PCMTD1: variants seen among roughly 807,000 people sequenced by gnomAD.
PCMTD1 encodes protein-L-isoaspartate (D-aspartate) O-methyltransferase domain containing 1.
A neutral mutation model predicts 37.6 loss-of-function variants in PCMTD1; 12 were observed. That is an observed-to-expected ratio of 0.32 (90% confidence interval 0.20 to 0.52). The LOEUF is 0.52. Ranked by LOEUF, PCMTD1 falls within the 20% of genes least tolerant of loss-of-function variation. PCMTD1 has a pLI of 0.97. For missense variants in PCMTD1, 235 were observed against 421.3 expected, an observed-to-expected ratio of 0.56 and a Z score of 3.87; for synonymous variants, 117 against 135.8, an observed-to-expected ratio of 0.86 and a Z score of 0.96.
intron 4 of PCMTD1, 36 bp from the exon 5 acceptor site, chr8:51,831,603 T>G: frequency 6.3e-7 from 1 of 1,588,600 alleles, no homozygotes; most frequent in Non-Finnish European, 8.6e-7. Flanking sequence ...AGTGAACAAC[T>G]TAATCCCAAC....
At position 51,818,478 on chromosome 8, in the gene PCMTD1, CAT is replaced by C. The variant is rs1347835083; in HGVS notation, c.*1871_*1872del. On this transcript the variant is annotated 3_prime_UTR_variant, in exon 6 of 6. Coordinates refer to ENST00000522514, the MANE Select transcript of PCMTD1 (RefSeq NM_052937.4). The stretch of plus-strand genomic sequence containing the variant: ...TTTCTCCAGGTTTTCCAGATAAAAA[CAT>C]GTGGTCACCAGGAATTCAAGGTAAC... 2 of 148,090 alleles carry C rather than the reference CAT, an allele frequency of 1.4e-5. No homozygotes were observed. The highest frequency in any genetic ancestry group is 4.3e-4 in the South Asian group (2 of 4,666). The allele number at this position is 148,090 out of a possible 1,614,324, so 9.2% of individuals were successfully genotyped here. A position where few individuals can be genotyped will look rare whatever the true frequency, so the allele number is the denominator to read the frequency against.
intron 2 of PCMTD1, among the ~76,000 whole-genome samples, chr8:51,855,685 G>T (rs1003246742): frequency 6.6e-6 from 1 of 151,648 alleles, no homozygotes; most frequent in Non-Finnish European, 1.5e-5. Flanking sequence ...TTGTTTTTGA[G>T]ACAGAGTCTC....
intron 2 of PCMTD1, among the ~76,000 whole-genome samples, chr8:51,851,066 A>T (rs187377704): frequency 4.9e-4 from 75 of 152,366 alleles, no homozygotes; most frequent in Admixed American, 3.9e-3. Context: ...AACACTTATT[A>T]AGATATATTT....
chr8:51,891,073 G>A (rs1482256203), intron 1 of PCMTD1, among the ~76,000 whole-genome samples: 2 of 152,088 alleles, frequency 1.3e-5, no homozygotes, highest in African/African-American at 2.4e-5. Flanking sequence ...TTCTACTGCT[G>A]TTATACAGGG....
chr8:51,833,788 T>C (rs1423291173), intron 3 of PCMTD1, 99 bp from the exon 4 acceptor site: 1 of 781,590 alleles, frequency 1.3e-6, no homozygotes, highest in East Asian at 2.8e-5. Context: ...GTTACCCAAA[T>C]TAATTATAAG....
Position 51,861,069 on chromosome 8 carries a change from C to G in PCMTD1, c.83G>C (p.Arg28Thr). 1.2e-6 allele frequency: 2 copies of G among 1,614,136 alleles called. No homozygotes were observed. The highest frequency in any genetic ancestry group is 2.2e-5 in the East Asian group (1 of 44,874). The change falls in exon 2 of 6, where the codon AGA becomes ACA. Residue 28 changes from arginine (R) to threonine (T), a missense_variant. By Grantham distance (71) the Arg-to-Thr change is moderately conservative (BLOSUM62 -1). Transcript: ENST00000522514. ...LKEAQYIRTE[R>T]VEQAFRAIDR... Reference sequence around the variant, plus strand: ...AATCGCTCTGAAGGCTTGCTCCACTCTTTCAGTACGAATATACTGAGCTTC... The same window carrying G: ...AATCGCTCTGAAGGCTTGCTCCACTGTTTCAGTACGAATATACTGAGCTTC...
chr8:51,831,351 T>G, intron 5 of PCMTD1, 93 bp downstream of exon 5: 1 of 1,285,112 alleles, frequency 7.8e-7, no homozygotes, highest in South Asian at 1.5e-5. Flanking sequence ...CATAAGTATT[T>G]AATTCTTCAT....
rs1187377867 is a variant in PCMTD1 at position 51,818,095 on chromosome 8, A to C, written c.*2256T>G. ...TCAAGTAAACATAAATTCATTAAAA[A>C]ATAAACACAAACCCAAAATATTCTT... On this transcript the variant is annotated 3_prime_UTR_variant, in exon 6 of 6. Coordinates refer to ENST00000522514, the MANE Select transcript of PCMTD1 (RefSeq NM_052937.4). 2.8e-6 allele frequency: 1 copy of C among 363,300 alleles called. No individual in the cohort carries two copies. Among genetic ancestry groups the C allele is most frequent in the African/African-American group, 2.1e-5 (1 of 46,688 alleles). The allele number at this position is 363,300 out of a possible 1,614,324, so 22.5% of individuals were successfully genotyped here. A position where few individuals can be genotyped will look rare whatever the true frequency, so the allele number is the denominator to read the frequency against.
At chr8:51,825,123 C>T (rs1349274509) in intron 5 of PCMTD1, among the ~76,000 whole-genome samples, 1 of 152,178 alleles carries the variant, frequency 6.6e-6, no homozygotes, top group African/African-American at 2.4e-5. Context: ...CCATTCAGGA[C>T]ACAGGCATGG....
chr8:51,897,198 A>G (rs2039015553), intron 1 of PCMTD1, among the ~76,000 whole-genome samples: 1 of 152,230 alleles, frequency 6.6e-6, no homozygotes. Flanking sequence ...CATTTTTAAT[A>G]AATACAAGCT....
intron 1 of PCMTD1, among the ~76,000 whole-genome samples, chr8:51,870,713 G>A (rs2129289481): frequency 6.6e-6 from 1 of 152,260 alleles, no homozygotes; most frequent in South Asian, 2.1e-4. Flanking sequence ...GAAACCCTCT[G>A]ACACAGAACA....
At chr8:51,866,324 C>CA (rs2038554771) in intron 1 of PCMTD1, among the ~76,000 whole-genome samples, 1 of 151,618 alleles carries the variant, frequency 6.6e-6, no homozygotes, top group South Asian at 2.1e-4. Context: ...TGTGAGGAAT[C>CA]ATACAGGCAA....
chr8:51,850,396 T>C (rs969671309), intron 2 of PCMTD1, among the ~76,000 whole-genome samples: 1 of 152,274 alleles, frequency 6.6e-6, no homozygotes, highest in East Asian at 1.9e-4. Flanking sequence ...GAATTTTTAA[T>C]TTTTAAAAGT....
chr8:51,886,404 ACCC>A, intron 1 of PCMTD1, among the ~76,000 whole-genome samples: 1 of 152,130 alleles, frequency 6.6e-6, no homozygotes, highest in South Asian at 2.1e-4. Context: ...TTTTGTCAAT[ACCC>A]CTATCAATTT....
chr8:51,853,848 A>C (rs986206527), intron 2 of PCMTD1, among the ~76,000 whole-genome samples: 2 of 152,214 alleles, frequency 1.3e-5, no homozygotes, highest in Middle Eastern at 3.4e-3. Context: ...GGCAGAGAGA[A>C]CTTCACTTTA....
chr8:51,895,710 G>T (rs1231747512), intron 1 of PCMTD1, among the ~76,000 whole-genome samples: 2 of 152,026 alleles, frequency 1.3e-5, no homozygotes, highest in African/African-American at 4.8e-5. Flanking sequence ...TCTTTAGGGG[G>T]CTGAAATATT....
Position 51,862,048 on chromosome 8 carries a change from T to TTATAGTACAGTATAGTATAG in PCMTD1, c.-95-822_-95-803dup, listed in dbSNP as rs1184396158. On this transcript the variant is annotated intron_variant, in intron 1 of 5. Transcript: ENST00000522514. ...TAATCACTGAGCCACACTGGCTTCT[T>TTATAGTACAGTATAGTATAG]TATAGTACAGTATAGTATAGTATAG... Among the ~76,000 whole-genome samples the TTATAGTACAGTATAGTATAG allele has an allele frequency of 4.6e-5, 7 of 152,278 alleles. No individual in the cohort carries two copies. In the South Asian group the frequency reaches 1.2e-3, roughly 27 times the overall value.
chr8:51,853,579 A>AT (rs1275225620), intron 2 of PCMTD1, among the ~76,000 whole-genome samples: 3 of 152,232 alleles, frequency 2.0e-5, no homozygotes, highest in Admixed American at 6.5e-5. Flanking sequence ...TTAGCAAAAG[A>AT]TGAACTATTG....
chr8:51,887,488 T>A (rs2038880272), intron 1 of PCMTD1, among the ~76,000 whole-genome samples: 2 of 152,156 alleles, frequency 1.3e-5, no homozygotes, highest in African/African-American at 4.8e-5. Flanking sequence ...TACAGGTAAA[T>A]AACGCAAGGT....
Sources: allele counts gnomAD v4.1 joint callset (sites outside exome capture counted in the v4.1 genomes callset), GRCh38; gene constraint gnomAD v4.1.1; transcripts MANE v1.5; gene names NCBI Gene and HGNC (gene_info 2026-07-23, HGNC 2026-07-21).